Variants in B3GALT1 observed in about 807,000 individuals in gnomAD.
B3GALT1 encodes the protein UDP-Gal:betaGlcNAc beta 1,3-galactosyltransferase, polypeptide 1.
Under a neutral mutation model 23.2 loss-of-function variants are expected in B3GALT1, and 10 were observed. That is an observed-to-expected ratio of 0.43 (90% CI 0.27 to 0.73). The LOEUF (loss-of-function observed/expected upper bound fraction) is 0.73, where lower values mean the gene tolerates loss of function less well. Among genes scored for constraint, B3GALT1 ranks in the 30% least tolerant of loss-of-function variants. The probability of loss-of-function intolerance (pLI) is 0.21; values close to 1 mark genes in which losing one functional copy is unlikely to be tolerated. For synonymous variants in B3GALT1, 156 were observed against 141.5 expected (o/e 1.10, Z -0.73); for missense variants, 299 against 405.4 (o/e 0.74, Z 2.25).
intron 3 of B3GALT1, among the ~76,000 whole-genome samples, chr2:167,653,124 G>A (rs1273739518): frequency 6.6e-6 from 1 of 151,832 alleles, no homozygotes; most frequent in African/African-American, 2.4e-5. Flanking sequence ...AAATGCCAAC[G>A]ATAGTAAAAG....
At chr2:167,862,398 A>G (rs1690118894) in intron 4 of B3GALT1, among the ~76,000 whole-genome samples, 1 of 152,218 alleles carries the variant, frequency 6.6e-6, no homozygotes, top group Admixed American at 6.5e-5. Context: ...TTAAGCAGAG[A>G]GAGCAAATTA....
At chr2:167,680,156 G>A (rs1686501948) in intron 3 of B3GALT1, among the ~76,000 whole-genome samples, 1 of 152,138 alleles carries the variant, frequency 6.6e-6, no homozygotes. Flanking sequence ...TGTAGGATTA[G>A]TTCTACATAA....
rs1168910365 is a variant in B3GALT1, at chr2:167,872,957, C to T, written c.*2937C>T. Reference sequence around the variant, plus strand: ...TTGTCCAGTGTTTCATAGCCTTAAGCATGTTTGCCCTTCGTTTTTTGAATG... The same window carrying T: ...TTGTCCAGTGTTTCATAGCCTTAAGTATGTTTGCCCTTCGTTTTTTGAATG... On this transcript the variant is annotated 3_prime_UTR_variant, in exon 5 of 5. Coordinates refer to ENST00000392690, the MANE Select transcript of B3GALT1 (RefSeq NM_020981.4). 1.3e-5 allele frequency: 2 copies of T among 152,124 alleles called. No homozygotes were observed. Among genetic ancestry groups the T allele is most frequent in the Non-Finnish European group, 2.9e-5 (2 of 68,022 alleles). 9.4% of individuals were successfully genotyped at this position (152,124 alleles called of 1,614,324 possible). A position where few individuals can be genotyped will look rare whatever the true frequency, so the allele number is the denominator to read the frequency against.
chr2:167,757,837 C>G (rs529015705), intron 3 of B3GALT1, among the ~76,000 whole-genome samples: 7 of 152,170 alleles, frequency 4.6e-5, no homozygotes, highest in Non-Finnish European at 8.8e-5. Flanking sequence ...TTCCAGTTCA[C>G]CCAGATGAAG....
intron 2 of B3GALT1, among the ~76,000 whole-genome samples, chr2:167,616,084 AAAG>A (rs60494900): frequency 0.7 from 106,207 of 151,544 alleles, 38,544 homozygotes; most frequent in Admixed American, 0.82. Flanking sequence ...TACAAAGAAA[AAAG>A]AAGAAGGGAA....
At chr2:167,391,431 A>G (rs917336950) in intron 1 of B3GALT1, among the ~76,000 whole-genome samples, 12 of 152,186 alleles carry the variant, frequency 7.9e-5, no homozygotes, top group African/African-American at 2.7e-4. Context: ...ATAATATTGG[A>G]TTTTAAGCCT....
intron 2 of B3GALT1, among the ~76,000 whole-genome samples, chr2:167,502,445 TAGAA>T (rs906191924): frequency 3.9e-5 from 6 of 152,206 alleles, no homozygotes; most frequent in Admixed American, 2.6e-4. Flanking sequence ...CTCACATTGT[TAGAA>T]AGAACTACCT....
At chr2:167,530,638 A>G (rs905838538) in intron 2 of B3GALT1, among the ~76,000 whole-genome samples, 3 of 152,194 alleles carry the variant, frequency 2.0e-5, no homozygotes, top group African/African-American at 7.2e-5. Context: ...AGAGAATCCA[A>G]ATGCTCAGCT....
intron 3 of B3GALT1, among the ~76,000 whole-genome samples, chr2:167,667,260 A>C (rs1686216255): frequency 6.6e-6 from 1 of 152,088 alleles, no homozygotes; most frequent in African/African-American, 2.4e-5. Flanking sequence ...CTTTTCTTTA[A>C]GAATGTTGAA....
At chr2:167,543,771 G>A (rs1027851055) in intron 2 of B3GALT1, among the ~76,000 whole-genome samples, 3 of 152,222 alleles carry the variant, frequency 2.0e-5, no homozygotes, top group African/African-American at 7.2e-5. Flanking sequence ...TGAATGTGGT[G>A]CTTCGTGTCT....
intron 3 of B3GALT1, among the ~76,000 whole-genome samples, chr2:167,711,824 T>G (rs534073246): frequency 5.9e-5 from 9 of 152,162 alleles, no homozygotes; most frequent in Non-Finnish European, 8.8e-5. Context: ...AAAAATTAGC[T>G]GGGTGTGGTG....
chr2:167,450,190 G>T (rs1355373051), intron 1 of B3GALT1, among the ~76,000 whole-genome samples: 2 of 151,426 alleles, frequency 1.3e-5, no homozygotes, highest in East Asian at 3.9e-4. Context: ...ATGTCTGAAA[G>T]AATTCAGCTG....
chr2:167,865,127 G>A (rs899604874), intron 4 of B3GALT1, among the ~76,000 whole-genome samples: 1 of 152,124 alleles, frequency 6.6e-6, no homozygotes, highest in African/African-American at 2.4e-5. Context: ...CAAACTCTCA[G>A]CTGGGCAAGG....
chr2:167,634,055 A>G (rs1023435426), intron 2 of B3GALT1, among the ~76,000 whole-genome samples: 1 of 152,112 alleles, frequency 6.6e-6, no homozygotes, highest in Admixed American at 6.6e-5. Flanking sequence ...TCAAAACCAC[A>G]CAACTACATG....
intron 2 of B3GALT1, among the ~76,000 whole-genome samples, chr2:167,622,339 G>A (rs116610769): frequency 1.5e-4 from 23 of 152,148 alleles, no homozygotes; most frequent in East Asian, 5.8e-4. Context: ...GAAAAAATAC[G>A]TCTCTGAATG....
intron 3 of B3GALT1, among the ~76,000 whole-genome samples, chr2:167,795,662 C>A (rs995499849): frequency 3.2e-4 from 49 of 152,294 alleles, no homozygotes; most frequent in Middle Eastern, 3.4e-3. Context: ...CCCCCACATC[C>A]TCTACCAACA....
chr2:167,492,350 C>T (rs538815913), intron 2 of B3GALT1, among the ~76,000 whole-genome samples: 5 of 152,268 alleles, frequency 3.3e-5, no homozygotes, highest in East Asian at 1.9e-4. Context: ...TTTCATTGGA[C>T]GGATGTACCA....
intron 3 of B3GALT1, among the ~76,000 whole-genome samples, chr2:167,661,248 A>C (rs527295164): frequency 6.6e-6 from 1 of 152,094 alleles, no homozygotes; most frequent in East Asian, 1.9e-4. Flanking sequence ...ATTTTATTGA[A>C]GATGCTTTTA....
intron 1 of B3GALT1, among the ~76,000 whole-genome samples, chr2:167,436,233 C>T (rs767352597): frequency 4.6e-5 from 7 of 152,146 alleles, no homozygotes; most frequent in Non-Finnish European, 1.0e-4. Flanking sequence ...ACACTTCTGG[C>T]CTCTCCTACG....
Sources: allele counts gnomAD v4.1 joint callset (sites outside exome capture counted in the v4.1 genomes callset), GRCh38; gene constraint gnomAD v4.1.1; transcripts MANE v1.5; gene names NCBI Gene and HGNC (gene_info 2026-07-23, HGNC 2026-07-21).